The following SCN1B variants were observed in gnomAD, a reference collection of about 807,000 sequenced individuals.
SCN1B encodes the protein sodium voltage-gated channel beta subunit 1, also known as sodium channel regulatory subunit beta-1.
In SCN1B, 11 loss-of-function variants were observed where a neutral mutation model predicts 25.7. The observed-to-expected ratio is 0.43, with a 90% confidence interval of 0.27 to 0.71. The LOEUF (loss-of-function observed/expected upper bound fraction) is 0.71, where lower values mean the gene tolerates loss of function less well. Ranked by LOEUF, SCN1B falls within the 30% of genes least tolerant of loss-of-function variation. The probability of loss-of-function intolerance (pLI) is 0.21; values close to 1 mark genes in which losing one functional copy is unlikely to be tolerated. For synonymous variants in SCN1B, 119 were observed against 117.5 expected (o/e 1.01, Z -0.08); for missense variants, 224 against 291.5 (o/e 0.77, Z 1.69).
In SCN1B at chr19:35,034,003, A is replaced by G. The variant is rs1406594854; in HGVS notation, c.448+264A>G. 1.3e-6 allele frequency: 2 copies of G among 1,549,564 alleles called. No homozygotes were observed. Among genetic ancestry groups the G allele is most frequent in the Middle Eastern group, 1.7e-4 (1 of 5,986 alleles). On this transcript the variant is annotated intron_variant, in intron 3 of 5. Coordinates refer to ENST00000262631, the MANE Select transcript of SCN1B (RefSeq NM_001037.5). The stretch of plus-strand genomic sequence containing the variant: ...AACCCAGCTCTGTCACCTGTGCTGT[A>G]TGACCTCTGGCAGGTGCCTTCTGTC...
At position 35,032,571 on chromosome 19, in the gene SCN1B, C is replaced by T. The variant is rs147616219; in HGVS notation, c.84C>T (p.Thr28=). The T allele has an allele frequency of 9.3e-6, 15 of 1,613,912 alleles. No individual in the cohort carries two copies. Among genetic ancestry groups the T allele is most frequent in the East Asian group, 6.7e-5 (3 of 44,898 alleles). Residue 28 remains threonine (T), a synonymous_variant, in exon 2 of 6, where the codon ACC becomes ACT. Transcript: ENST00000262631. This position sits in a 1 kb window ranked among gnomAD's most constrained non-coding sequence, Gnocchi z 4.3. ...GCTGCGTGGAGGTGGACTCGGAGAC[C>T]GAGGCCGTGTATGGGATGACCTTCA... is the stretch of plus-strand genomic sequence containing the variant. ...CGGCVEVDSE[T]EAVYGMTFKI...
intron 2 of SCN1B, among the ~76,000 whole-genome samples, chr19:35,033,039 G>T (rs1229295118): frequency 1.3e-5 from 2 of 152,224 alleles, no homozygotes; most frequent in Admixed American, 1.3e-4. Context: ...AGTCATTACG[G>T]AGGGAAGACA....
chr19:35,039,848 C>A lies in SCN1B; in HGVS notation c.*57C>A. ...CCAGCCGTAATGGGGACTCTCCAGG[C>A]ACCGCCTGCCCCCAGCGTGGGGGTG... On this transcript the variant is annotated 3_prime_UTR_variant, in exon 6 of 6. Transcript: ENST00000262631. 1.2e-6 allele frequency: 1 copy of A among 825,530 alleles called. No individual in the cohort carries two copies. The highest frequency in any genetic ancestry group is 1.9e-6 in the Non-Finnish European group (1 of 518,686). 51.1% of individuals were successfully genotyped at this position (825,530 alleles called of 1,614,324 possible). A position where few individuals can be genotyped will look rare whatever the true frequency, so the allele number is the denominator to read the frequency against.
intron 3 of SCN1B, chr19:35,036,362 C>T (rs982581413): frequency 6.6e-6 from 1 of 152,058 alleles, no homozygotes; most frequent in African/African-American, 2.4e-5. Context: ...TAACATGACT[C>T]ATTGTGCTAT....
Position 35,039,804 on chromosome 19 carries a change from G to C in SCN1B, c.*13G>C. 3.9e-6 allele frequency: 5 copies of C among 1,268,054 alleles called. No individual in the cohort carries two copies. The highest frequency in any genetic ancestry group is 5.6e-6 in the Non-Finnish European group (5 of 894,856). The allele number at this position is 1,268,054 out of a possible 1,614,324, so 78.6% of individuals were successfully genotyped here. ...TCTCTTGCTCCCCTTCAGGCCCTGG[G>C]CCCCGCCTCAAGGAAGAGCCAGCCG... On this transcript the variant is annotated 3_prime_UTR_variant, in exon 6 of 6. Coordinates refer to ENST00000262631, the MANE Select transcript of SCN1B (RefSeq NM_001037.5).
rs777983530 is a variant in SCN1B at position 35,032,424 on chromosome 19, G to A, written c.41-104G>A. Reference sequence around the variant, plus strand: ...AGGGCTCAGCCTAGCATCCAGTCCTGTCTGCTGGTAATCATTGAGGGGGGA... The same window carrying A: ...AGGGCTCAGCCTAGCATCCAGTCCTATCTGCTGGTAATCATTGAGGGGGGA... On this transcript the variant is annotated intron_variant, in intron 1 of 5. Transcript: ENST00000262631. The surrounding 1 kb of genome is among the most constrained non-coding windows in gnomAD (Gnocchi z 4.3). The A allele has an allele frequency of 5.8e-6, 8 of 1,381,006 alleles. No homozygotes were observed. Among genetic ancestry groups the A allele is most frequent in the Non-Finnish European group, 8.1e-6 (8 of 984,326 alleles). 85.5% of individuals were successfully genotyped at this position (1,381,006 alleles called of 1,614,324 possible).
chr19:35,034,234 G>A (rs2064234730), intron 3 of SCN1B: 2 of 1,453,288 alleles, frequency 1.4e-6, no homozygotes, highest in African/African-American at 2.8e-5. Context: ...GCCCTCTGTG[G>A]TGATGAGGCA....
At position 35,039,984 on chromosome 19, in the gene SCN1B, C is replaced by CCCGCCGGCCGCGCA; in HGVS notation, c.*199_*212dup. On this transcript the variant is annotated 3_prime_UTR_variant, in exon 6 of 6. Coordinates refer to ENST00000262631, the MANE Select transcript of SCN1B (RefSeq NM_001037.5). ...CACTTTCGCCTCCTCCAGCTCCTGC[C>CCCGCCGGCCGCGCA]CCGCCGGCCGCGCACCGCCATGCAT... 1 of 540,888 alleles carries CCCGCCGGCCGCGCA rather than the reference C, an allele frequency of 1.8e-6. No homozygotes were observed. The highest frequency in any genetic ancestry group is 3.1e-5 in the Admixed American group (1 of 31,898). The allele number at this position is 540,888 out of a possible 1,614,324, so 33.5% of individuals were successfully genotyped here. A position where few individuals can be genotyped will look rare whatever the true frequency, so the allele number is the denominator to read the frequency against.
In SCN1B at chr19:35,032,482, A is replaced by G. The variant is rs766495205; in HGVS notation, c.41-46A>G. Reference sequence around the variant, plus strand: ...GTTTGTGAGGGGTCTGGCATTGCTTAGGGCAATGGGTGCCTCTGCCTGACC... The same window carrying G: ...GTTTGTGAGGGGTCTGGCATTGCTTGGGGCAATGGGTGCCTCTGCCTGACC... On this transcript the variant is annotated intron_variant, in intron 1 of 5. Transcript: ENST00000262631. This position sits in a 1 kb window ranked among gnomAD's most constrained non-coding sequence, Gnocchi z 4.3. 11 of 1,605,218 alleles carry G rather than the reference A, an allele frequency of 6.9e-6. No individual in the cohort carries two copies. The East Asian group carries it at 2.2e-4, about 33-fold the overall frequency.
Position 35,030,655 on chromosome 19 carries a change from C to CG in SCN1B, c.-159dup, listed in dbSNP as rs1434601944. The CG allele has an allele frequency of 2.3e-5, 4 of 174,986 alleles. No homozygotes were observed. Among genetic ancestry groups the CG allele is most frequent in the South Asian group, 1.8e-4 (1 of 5,628 alleles). The allele number at this position is 174,986 out of a possible 1,614,324, so 10.8% of individuals were successfully genotyped here. ...GCTGGGCCCCCGGCGGTAACCGGAG[C>CG]GGGGGGGCCGCGCCCCCCCTCCTCC... On this transcript the variant is annotated 5_prime_UTR_variant, in exon 1 of 6. Transcript: ENST00000262631.
chr19:35,032,717 C>G lies in SCN1B; in HGVS notation c.207+23C>G, dbSNP rs1036993222. 47 of 1,612,276 alleles carry G rather than the reference C, an allele frequency of 2.9e-5. No individual in the cohort carries two copies. The highest frequency in any genetic ancestry group is 1.6e-4 in the Middle Eastern group (1 of 6,062). ...AAGGTGTGCGGGTGCCGGGAACGGGCATGGGAGGGCAGGGGTCCACGAGTG... is the reference window on the plus strand; with the variant it reads ...AAGGTGTGCGGGTGCCGGGAACGGGGATGGGAGGGCAGGGGTCCACGAGTG... On this transcript the variant is annotated intron_variant, in intron 2 of 5. Transcript: ENST00000262631. The surrounding 1 kb of genome is among the most constrained non-coding windows in gnomAD (Gnocchi z 4.3).
At position 35,040,326 on chromosome 19, in the gene SCN1B, T is replaced by G; in HGVS notation, c.*535T>G. On this transcript the variant is annotated 3_prime_UTR_variant, in exon 6 of 6. Coordinates refer to ENST00000262631, the MANE Select transcript of SCN1B (RefSeq NM_001037.5). ...GTCCCCCCTCCCTGTAATGCACTCC[T>G]GCCCCGGCCCAACCTCGCCCTCTCT... 1 of 162,912 alleles carries G rather than the reference T, an allele frequency of 6.1e-6. No individual in the cohort carries two copies. The allele number at this position is 162,912 out of a possible 1,614,324, so 10.1% of individuals were successfully genotyped here.
Position 35,032,764 on chromosome 19 carries a change from C to A in SCN1B, c.207+70C>A. The A allele has an allele frequency of 1.3e-6, 2 of 1,535,906 alleles. No homozygotes were observed. Among genetic ancestry groups the A allele is most frequent in the Non-Finnish European group, 1.8e-6 (2 of 1,116,478 alleles). On this transcript the variant is annotated intron_variant, in intron 2 of 5. Transcript: ENST00000262631. This position sits in a 1 kb window ranked among gnomAD's most constrained non-coding sequence, Gnocchi z 4.3. ...AGTGGGAGGCGGTGGGGCTGGATCT[C>A]AGGGAGGGGGCTTATTTGTTTAATA... is the stretch of plus-strand genomic sequence containing the variant.
rs2151746458 is a variant in SCN1B, at chr19:35,033,651, G to A, written c.360G>A (p.Glu120=). The change falls in exon 3 of 6, where the codon GAG becomes GAA. Residue 120 remains glutamate (E), a synonymous_variant. Coordinates refer to ENST00000262631, the MANE Select transcript of SCN1B (RefSeq NM_001037.5). The part of the protein sequence containing the change: ...NVTYNHSGDY[E]CHVYRLLFFE... ...CCTACAACCACTCGGGCGACTACGA[G>A]TGCCACGTCTACCGCCTGCTCTTCT... 1.9e-6 allele frequency: 3 copies of A among 1,614,214 alleles called. No individual in the cohort carries two copies. Among genetic ancestry groups the A allele is most frequent in the Non-Finnish European group, 2.5e-6 (3 of 1,180,052 alleles).
At chr19:35,031,731 G>C (rs1438042961) in intron 1 of SCN1B, 4 of 153,120 alleles carry the variant, frequency 2.6e-5, no homozygotes. Flanking sequence ...TGCAGCAGAA[G>C]AGACACAGCG....
rs781215295 is a variant in SCN1B at position 35,033,903 on chromosome 19, G to A, written c.448+164G>A. 35 of 1,584,894 alleles carry A rather than the reference G, an allele frequency of 2.2e-5. No homozygotes were observed. Among genetic ancestry groups the A allele is most frequent in the Non-Finnish European group, 3.0e-5 (35 of 1,165,154 alleles). ...GGAGCAGCCCCTCCTGCCCACTCCA[G>A]CTCTGGCCTCTGTTTCTCTCCAGCC... On this transcript the variant is annotated intron_variant, in intron 3 of 5. Coordinates refer to ENST00000262631, the MANE Select transcript of SCN1B (RefSeq NM_001037.5).
At chr19:35,039,459 G>A in intron 4 of SCN1B, 176 bp from the exon 5 acceptor site, 1 of 978,062 alleles carries the variant, frequency 1.0e-6, no homozygotes, top group Non-Finnish European at 1.6e-6. Context: ...CAACTCAGGA[G>A]CCCAGGCTCC....
rs1220622612 is a variant in SCN1B, at chr19:35,033,876, G to A, written c.448+137G>A. 1.9e-6 allele frequency: 3 copies of A among 1,604,900 alleles called. No homozygotes were observed. On this transcript the variant is annotated intron_variant, in intron 3 of 5. Coordinates refer to ENST00000262631, the MANE Select transcript of SCN1B (RefSeq NM_001037.5). ...GCCCACAGCAGCGGGCTGAGGGGGA[G>A]GGGAGCAGCCCCTCCTGCCCACTCC...
chr19:35,033,984 G>A, intron 3 of SCN1B: 2 of 1,551,738 alleles, frequency 1.3e-6, no homozygotes, highest in Non-Finnish European at 8.7e-7. Flanking sequence ...ACAGAACCCA[G>A]CTCTGTCACC....
Sources: allele counts gnomAD v4.1 joint callset (sites outside exome capture counted in the v4.1 genomes callset), GRCh38; gene constraint gnomAD v4.1.1; non-coding constraint Gnocchi (gnomAD v3.1); transcripts MANE v1.5; gene names NCBI Gene and HGNC (gene_info 2026-07-23, HGNC 2026-07-21).